The following MYH6 variants were observed in gnomAD, a reference collection of about 807,000 sequenced individuals.
The protein encoded by MYH6 is myosin-6.
A neutral mutation model predicts 223.2 loss-of-function variants in MYH6; 126 were observed. The observed-to-expected ratio is 0.56, with a 90% confidence interval of 0.49 to 0.65. MYH6 has a LOEUF of 0.65. Among genes scored for constraint, MYH6 ranks in the 30% least tolerant of loss-of-function variants. The probability of loss-of-function intolerance (pLI) is 0.00; values close to 1 mark genes in which losing one functional copy is unlikely to be tolerated. For missense variants in MYH6, 2,040 were observed against 2,536.4 expected (o/e 0.80, Z 4.20); for synonymous variants, 978 against 1,010.2 (o/e 0.97, Z 0.61).
At chr14:23,401,594 C>T (rs1347943887) in intron 12 of MYH6, among the ~76,000 whole-genome samples, 1 of 152,232 alleles carries the variant, frequency 6.6e-6, no homozygotes, top group East Asian at 1.9e-4. Context: ...ATATCCCCAC[C>T]TTCACCATAT....
rs745470997 is a variant in MYH6, at chr14:23,400,353, A to C, written c.1484T>G (p.Phe495Cys). The change falls in exon 14 of 39, where the codon TTC becomes TGC. Residue 495 changes from phenylalanine (F) to cysteine (C), a missense_variant. Physicochemically the swap from Phe to Cys is radical, Grantham distance 205. Around this residue, in one of 4 missense-constraint regions of MYH6, gnomAD observed 649 missense variants for 877.3 expected, o/e 0.74. Transcript: ENST00000405093. ...KLQQFFNHHM[F>C]VLEQEEYKKE... ...CTTGTACTCCTCCTGCTCCAGCACG[A>C]ACATGTGGTGGTTGAAGAACTGCTG... is the stretch of plus-strand genomic sequence containing the variant. 2 of 1,614,182 alleles carry C rather than the reference A, an allele frequency of 1.2e-6. No homozygotes were observed. The highest frequency in any genetic ancestry group is 1.7e-6 in the Non-Finnish European group (2 of 1,180,032).
chr14:23,384,772 C>G, intron 35 of MYH6, 55 bp from the exon 36 acceptor site: 2 of 1,613,804 alleles, frequency 1.2e-6, no homozygotes, highest in Non-Finnish European at 1.7e-6. Flanking sequence ...GGGCCTTTTG[C>G]CCCCCAAGGA....
At chr14:23,395,519 T>A (rs1444506022) in intron 20 of MYH6, among the ~76,000 whole-genome samples, 1 of 148,684 alleles carries the variant, frequency 6.7e-6, no homozygotes, top group Non-Finnish European at 1.5e-5. Context: ...TGGAGAAGTA[T>A]GCAGCTGTTC....
At chr14:23,403,670 G>A in intron 9 of MYH6, 45 bp downstream of exon 9, 2 of 1,550,612 alleles carry the variant, frequency 1.3e-6, no homozygotes, top group Non-Finnish European at 1.8e-6. Flanking sequence ...GGGAGAGAAG[G>A]CAGAGGGGGA....
Position 23,407,656 on chromosome 14 carries a change from G to C in MYH6, c.-46-48C>G, listed in dbSNP as rs1372449434. The C allele has an allele frequency of 2.7e-6, 3 of 1,103,586 alleles. No homozygotes were observed. Among genetic ancestry groups the C allele is most frequent in the East Asian group, 1.4e-4 (2 of 14,370 alleles). The allele number at this position is 1,103,586 out of a possible 1,614,324, so 68.4% of individuals were successfully genotyped here. The stretch of plus-strand genomic sequence containing the variant: ...AACAACAGAGGTAGAGCCGGGCAGA[G>C]AGAAGAACAGATGAGGAGAGTGAAG... On this transcript the variant is annotated intron_variant, in intron 1 of 38. Coordinates refer to ENST00000405093, the MANE Select transcript of MYH6 (RefSeq NM_002471.4). The surrounding 1 kb of genome is among the most constrained non-coding windows in gnomAD (Gnocchi z 5.6).
chr14:23,397,388 G>A (rs778282302), intron 16 of MYH6, 131 bp from the exon 17 acceptor site: 32 of 1,268,408 alleles, frequency 2.5e-5, no homozygotes, highest in Non-Finnish European at 8.0e-6. Context: ...TGTGACGTGA[G>A]TTCAGGCTTT....
chr14:23,398,538 C>T (rs1466457514), intron 15 of MYH6, among the ~76,000 whole-genome samples, 190 bp downstream of exon 15: 1 of 152,224 alleles, frequency 6.6e-6, no homozygotes, highest in African/African-American at 2.4e-5. Context: ...TATCAACACT[C>T]ATAACACAAA....
In MYH6 at chr14:23,405,549, T is replaced by C. The variant is rs1287701556; in HGVS notation, c.345+78A>G. 5 of 1,606,694 alleles carry C rather than the reference T, an allele frequency of 3.1e-6. No individual in the cohort carries two copies. Among genetic ancestry groups the C allele is most frequent in the African/African-American group, 1.3e-5 (1 of 74,706 alleles). Reference sequence around the variant, plus strand: ...GGTCCCTTGGGAGTCTCTCCCCCTCTTCTTGGGAGAGCCCCCCTGGCTTAT... The same window carrying C: ...GGTCCCTTGGGAGTCTCTCCCCCTCCTCTTGGGAGAGCCCCCCTGGCTTAT... On this transcript the variant is annotated intron_variant, in intron 4 of 38. Coordinates refer to ENST00000405093, the MANE Select transcript of MYH6 (RefSeq NM_002471.4). This position sits in a 1 kb window ranked among gnomAD's most constrained non-coding sequence, Gnocchi z 4.7.
In MYH6 at chr14:23,393,810, C is replaced by T; in HGVS notation, c.2784G>A (p.Leu928=). The change falls in exon 22 of 39, where the codon CTG becomes CTA. Residue 928 remains leucine (L), a synonymous_variant. Transcript: ENST00000405093. The part of the protein sequence containing the change: ...EAKVKEMNER[L]EDEEEMNAEL... ...CCGCGTTCATCTCCTCCTCATCCTC[C>T]AGCCTCTCATTCATCTCCTTTACTT... The T allele has an allele frequency of 6.2e-7, 1 of 1,614,232 alleles. No homozygotes were observed. Among genetic ancestry groups the T allele is most frequent in the Non-Finnish European group, 8.5e-7 (1 of 1,180,044 alleles).
chr14:23,405,538 C>T lies in MYH6; in HGVS notation c.345+89G>A. 1.2e-6 allele frequency: 2 copies of T among 1,603,082 alleles called. No individual in the cohort carries two copies. Among genetic ancestry groups the T allele is most frequent in the Non-Finnish European group, 1.7e-6 (2 of 1,173,672 alleles). On this transcript the variant is annotated intron_variant, in intron 4 of 38. Transcript: ENST00000405093. The surrounding 1 kb of genome is among the most constrained non-coding windows in gnomAD (Gnocchi z 4.7). ...AAGGGGACTTGGGTCCCTTGGGAGT[C>T]TCTCCCCCTCTTCTTGGGAGAGCCC...
intron 13 of MYH6, 96 bp from the exon 14 acceptor site, chr14:23,400,522 G>C: frequency 1.9e-6 from 3 of 1,601,346 alleles, no homozygotes; most frequent in Non-Finnish European, 2.6e-6. Flanking sequence ...GCAGGGTATG[G>C]CTGTCCCCTC....
intron 14 of MYH6, among the ~76,000 whole-genome samples, chr14:23,399,507 T>C (rs909176062): frequency 2.0e-5 from 3 of 152,210 alleles, no homozygotes; most frequent in African/African-American, 7.2e-5. Context: ...GGAATCCTTT[T>C]AAGAATTTGT....
chr14:23,394,454 G>A, intron 20 of MYH6, 131 bp from the exon 21 acceptor site: 2 of 1,192,686 alleles, frequency 1.7e-6, no homozygotes, highest in East Asian at 5.1e-5. Context: ...TCACTACACT[G>A]AACATGGAGT....
At position 23,407,640 on chromosome 14, in the gene MYH6, G is replaced by T. The variant is rs1776438433; in HGVS notation, c.-46-32C>A. On this transcript the variant is annotated intron_variant, in intron 1 of 38. Coordinates refer to ENST00000405093, the MANE Select transcript of MYH6 (RefSeq NM_002471.4). The surrounding 1 kb of genome is among the most constrained non-coding windows in gnomAD (Gnocchi z 5.6). Reference sequence around the variant, plus strand: ...CGTGGGTGGAGCAAGGAACAACAGAGGTAGAGCCGGGCAGAGAGAAGAACA... The same window carrying T: ...CGTGGGTGGAGCAAGGAACAACAGATGTAGAGCCGGGCAGAGAGAAGAACA... 9 of 1,118,692 alleles carry T rather than the reference G, an allele frequency of 8.0e-6. No homozygotes were observed. The highest frequency in any genetic ancestry group is 9.9e-6 in the Non-Finnish European group (9 of 908,602). 69.3% of individuals were successfully genotyped at this position (1,118,692 alleles called of 1,614,324 possible). A position where few individuals can be genotyped will look rare whatever the true frequency, so the allele number is the denominator to read the frequency against.
Position 23,405,155 on chromosome 14 carries a change from G to A in MYH6, c.503-28C>T, listed in dbSNP as rs202054405. 155 of 1,614,052 alleles carry A rather than the reference G, an allele frequency of 9.6e-5. 1 individual carries two copies. Among genetic ancestry groups the A allele is most frequent in the Non-Finnish European group, 1.3e-4 (151 of 1,180,054 alleles). On this transcript the variant is annotated intron_variant, in intron 5 of 38. Coordinates refer to ENST00000405093, the MANE Select transcript of MYH6 (RefSeq NM_002471.4). This position sits in a 1 kb window ranked among gnomAD's most constrained non-coding sequence, Gnocchi z 4.7. ...GGAAGAAAAAAGAGGAGAAGCAATG[G>A]GGTCAGGGCTGAGGATCTGGGTGGG... is the stretch of plus-strand genomic sequence containing the variant.
At chr14:23,400,549 A>G in intron 13 of MYH6, 123 bp from the exon 14 acceptor site, 1 of 1,585,354 alleles carries the variant, frequency 6.3e-7, no homozygotes, top group African/African-American at 1.3e-5. Context: ...AGGGCAGTGG[A>G]GGAGGGCTTC....
intron 20 of MYH6, among the ~76,000 whole-genome samples, chr14:23,395,772 C>T (rs1038169042): frequency 6.6e-6 from 1 of 152,150 alleles, no homozygotes; most frequent in South Asian, 2.1e-4. Context: ...TCGTGATCCA[C>T]CCGCCTCGGC....
intron 3 of MYH6, among the ~76,000 whole-genome samples, chr14:23,406,564 G>A (rs559836807): frequency 3.9e-5 from 6 of 152,296 alleles, no homozygotes; most frequent in African/African-American, 1.4e-4. Context: ...GCTTCTGAGT[G>A]CCAGTCAAGG....
rs546802298 is a variant in MYH6 at position 23,402,629 on chromosome 14, G to A, written c.1003-27C>T. 4 of 1,613,816 alleles carry A rather than the reference G, an allele frequency of 2.5e-6. No homozygotes were observed. The African/African-American group carries it at 5.3e-5, about 22-fold the overall frequency. On this transcript the variant is annotated intron_variant, in intron 11 of 38. Coordinates refer to ENST00000405093, the MANE Select transcript of MYH6 (RefSeq NM_002471.4). The stretch of plus-strand genomic sequence containing the variant: ...TGGGACAGAGCGAGAGACAAAGAGG[G>A]GGGTTGGAGCGGTGGCCCCAGGAGC...
Sources: allele counts gnomAD v4.1 joint callset (sites outside exome capture counted in the v4.1 genomes callset), GRCh38; gene constraint gnomAD v4.1.1; regional missense constraint gnomAD v4.1.1; non-coding constraint Gnocchi (gnomAD v3.1); transcripts MANE v1.5; gene names NCBI Gene and HGNC (gene_info 2026-07-23, HGNC 2026-07-21).